The following COPB1 variants were observed in gnomAD, a reference collection of about 807,000 sequenced individuals.
COPB1 encodes coat protein complex I subunit beta 1, also known as coatomer subunit beta.
COPB1 carries 21 observed loss-of-function variants against 108.7 expected under a neutral mutation model. That is an observed-to-expected ratio of 0.19 (90% CI 0.14 to 0.28). COPB1 has a LOEUF of 0.28. COPB1 is among the 10% of genes least tolerant of loss of function. The pLI is 1.00. For missense variants in COPB1, 919 were observed against 1,141.3 expected (o/e 0.81, Z 2.81); for synonymous variants, 378 against 386.8 (o/e 0.98, Z 0.27).
intron 10 of COPB1, 144 bp from the exon 11 acceptor site, chr11:14,479,858 T>C (rs1028303042): frequency 2.9e-5 from 23 of 795,798 alleles, no homozygotes; most frequent in Non-Finnish European, 4.4e-5. Context: ...GGCTAGAGAA[T>C]AGTGGCACAA....
chr11:14,474,428 C>A, intron 14 of COPB1, 67 bp downstream of exon 14: 1 of 1,439,648 alleles, frequency 6.9e-7, no homozygotes, highest in Non-Finnish European at 9.5e-7. Context: ...GAGTCCCTCA[C>A]TGTTCAATGC....
chr11:14,468,652 AATTT>A, intron 16 of COPB1, 25 bp downstream of exon 16: 1 of 1,598,664 alleles, frequency 6.3e-7, no homozygotes, highest in Non-Finnish European at 8.5e-7. Context: ...CGATTTAAAT[AATTT>A]AGAGTCTATC....
intron 19 of COPB1, among the ~76,000 whole-genome samples, 161 bp from the exon 20 acceptor site, chr11:14,460,458 T>C (rs958669061): frequency 1.3e-5 from 2 of 152,098 alleles, no homozygotes; most frequent in Non-Finnish European, 1.5e-5. Context: ...AAGCTGTAGG[T>C]TGGTATCAGT....
In COPB1 at chr11:14,480,762, A is replaced by G; in HGVS notation, c.1209T>C (p.Pro403=). The G allele has an allele frequency of 1.2e-6, 2 of 1,612,014 alleles. No homozygotes were observed. Among genetic ancestry groups the G allele is most frequent in the Non-Finnish European group, 1.7e-6 (2 of 1,179,384 alleles). The change falls in exon 10 of 22, where the codon CCT becomes CCC. Residue 403 remains proline, a synonymous_variant. Transcript: ENST00000439561. ...RFPDMAANVI[P]VLMEFLSDNN... is the part of the protein sequence containing the mutation. The stretch of plus-strand genomic sequence containing the variant: ...TAAAGTCATCAGAATTACATACCAC[A>G]GGAATAACATTTGCAGCCATATCTG...
chr11:14,481,290 C>T (rs984300124), intron 8 of COPB1, among the ~76,000 whole-genome samples, 193 bp from the exon 9 acceptor site: 3 of 152,310 alleles, frequency 2.0e-5, no homozygotes, highest in Admixed American at 1.3e-4. Flanking sequence ...GCACATGACA[C>T]ATTCAAACTG....
At chr11:14,471,815 G>A (rs1056550927) in intron 14 of COPB1, among the ~76,000 whole-genome samples, 5 of 152,226 alleles carry the variant, frequency 3.3e-5, no homozygotes, top group African/African-American at 9.6e-5. Context: ...CCAGCTACTC[G>A]GGAGGCTGAG....
intron 17 of COPB1, 97 bp downstream of exon 17, chr11:14,466,185 C>T (rs1850276289): frequency 8.5e-7 from 1 of 1,182,162 alleles, no homozygotes; most frequent in East Asian, 2.5e-5. Flanking sequence ...AGAAAAGGTT[C>T]AAGAGAATTT....
At chr11:14,457,965 C>A in intron 21 of COPB1, 82 bp from the exon 22 acceptor site, 1 of 734,370 alleles carries the variant, frequency 1.4e-6, no homozygotes. Context: ...AGCCCCAATT[C>A]AATTCAATGA....
intron 20 of COPB1, among the ~76,000 whole-genome samples, chr11:14,459,701 C>T (rs1850103754): frequency 6.7e-6 from 1 of 150,046 alleles, no homozygotes; most frequent in Admixed American, 6.6e-5. Context: ...CTGCAACCTC[C>T]ACCCCCTGGG....
intron 5 of COPB1, among the ~76,000 whole-genome samples, chr11:14,489,908 G>A (rs923718947): frequency 7.9e-5 from 12 of 152,118 alleles, no homozygotes; most frequent in African/African-American, 2.9e-4. Context: ...TAAATAACTG[G>A]GGGACAATCC....
intron 3 of COPB1, 77 bp downstream of exon 3, chr11:14,494,133 A>G: frequency 2.0e-6 from 2 of 1,000,720 alleles, no homozygotes; most frequent in Non-Finnish European, 3.0e-6. Context: ...AATTTTAACA[A>G]TTAAAACACA....
chr11:14,479,750 C>T (rs2575857), intron 10 of COPB1, 36 bp from the exon 11 acceptor site: 969,232 of 1,526,582 alleles, frequency 0.63, 308,626 homozygotes, highest in African/African-American at 0.7. Flanking sequence ...ATGGAACTAA[C>T]AATTTTCGAA....
intron 18 of COPB1, among the ~76,000 whole-genome samples, chr11:14,462,482 T>A (rs959657727): frequency 6.6e-6 from 1 of 152,166 alleles, no homozygotes; most frequent in Non-Finnish European, 1.5e-5. Context: ...TCCACCCGCC[T>A]TGGCCTCCCA....
chr11:14,489,551 G>C (rs941250269), intron 5 of COPB1, among the ~76,000 whole-genome samples: 1 of 152,124 alleles, frequency 6.6e-6, no homozygotes, highest in South Asian at 2.1e-4. Flanking sequence ...CCTTAAAAAG[G>C]AAAGAAATTC....
At chr11:14,468,948 A>G in intron 15 of COPB1, 88 bp from the exon 16 acceptor site, 1 of 1,115,892 alleles carries the variant, frequency 9.0e-7, no homozygotes, top group African/African-American at 1.6e-5. Flanking sequence ...CACATATGAA[A>G]ACTGAAAAAT....
intron 2 of COPB1, among the ~76,000 whole-genome samples, chr11:14,495,458 A>T (rs1211330821): frequency 6.6e-6 from 1 of 152,246 alleles, no homozygotes; most frequent in African/African-American, 2.4e-5. Flanking sequence ...AGCGGCTATG[A>T]AACAGAGTTC....
At chr11:14,460,015 A>G (rs1850109445) in intron 20 of COPB1, 193 bp downstream of exon 20, 1 of 456,366 alleles carries the variant, frequency 2.2e-6, no homozygotes, top group Non-Finnish European at 3.9e-6. Flanking sequence ...TCACTGCACT[A>G]GGAAAAAGTA....
Position 14,486,362 on chromosome 11 carries a change from A to G in COPB1, c.837+5T>C. On this transcript the variant is annotated splice_donor_5th_base_variant and intron_variant, in intron 7 of 21. Transcript: ENST00000439561. The stretch of plus-strand genomic sequence containing the variant: ...TAATCTGGCCCCAAAAGAAATACAC[A>G]GTACCTTGATTGCAGTTGGTGCACT... The G allele has an allele frequency of 6.2e-7, 1 of 1,614,078 alleles. No homozygotes were observed. Among genetic ancestry groups the G allele is most frequent in the Admixed American group, 1.7e-5 (1 of 60,008 alleles).
chr11:14,486,271 C>T, intron 7 of COPB1, 96 bp downstream of exon 7: 2 of 1,384,390 alleles, frequency 1.4e-6, no homozygotes, highest in Admixed American at 1.9e-5. Context: ...CTCTCTGTGC[C>T]ATGTAACCAC....
Sources: allele counts gnomAD v4.1 joint callset (sites outside exome capture counted in the v4.1 genomes callset), GRCh38; gene constraint gnomAD v4.1.1; transcripts MANE v1.5; gene names NCBI Gene and HGNC (gene_info 2026-07-23, HGNC 2026-07-21).